The following WDR70 variants were observed in gnomAD, a reference collection of about 807,000 sequenced individuals.
WDR70 encodes the protein WD repeat-containing protein 70.
Under a neutral mutation model 88.6 loss-of-function variants are expected in WDR70, and 53 were observed. The ratio of observed to expected loss-of-function variants is 0.60; its 90% CI spans 0.48 to 0.75. The LOEUF is 0.75. Among genes scored for constraint, WDR70 ranks in the 30% least tolerant of loss-of-function variants. The probability of loss-of-function intolerance (pLI) is 0.00; values close to 1 mark genes in which losing one functional copy is unlikely to be tolerated. For missense variants in WDR70, 610 were observed against 823.2 expected, an observed-to-expected ratio of 0.74 and a Z score of 3.17; for synonymous variants, 280 against 270.0, an observed-to-expected ratio of 1.04 and a Z score of -0.36.
chr5:37,646,703 G>C (rs1026532588), intron 10 of WDR70, among the ~76,000 whole-genome samples: 2 of 152,078 alleles, frequency 1.3e-5, no homozygotes, highest in Non-Finnish European at 2.9e-5. Flanking sequence ...CTGGCCTGTA[G>C]AGTTTCCACT....
chr5:37,443,377 G>A lies in WDR70; in HGVS notation c.686+5G>A, dbSNP rs1175925922. 1 of 1,613,308 alleles carries A rather than the reference G, an allele frequency of 6.2e-7. No individual in the cohort carries two copies. The highest frequency in any genetic ancestry group is 8.5e-7 in the Non-Finnish European group (1 of 1,179,708). ...ATCCCTTCAGCCCTGTGAGTGGTAT[G>A]TATTCACTTACTTAATATCTTCATA... On this transcript the variant is annotated splice_donor_5th_base_variant and intron_variant, in intron 7 of 17. Transcript: ENST00000265107.
intron 15 of WDR70, chr5:37,724,100 G>A (rs998814277): frequency 6.6e-6 from 1 of 152,032 alleles, no homozygotes; most frequent in Non-Finnish European, 1.5e-5. Flanking sequence ...TCTTTTAAAG[G>A]GGGTTTAATC....
At chr5:37,524,517 T>G (rs1741198378) in intron 9 of WDR70, among the ~76,000 whole-genome samples, 1 of 152,126 alleles carries the variant, frequency 6.6e-6, no homozygotes, top group Admixed American at 6.5e-5. Context: ...TACCAGCCAC[T>G]GCAAAAAAAA....
At chr5:37,434,275 C>G (rs183336946) in intron 5 of WDR70, among the ~76,000 whole-genome samples, 43 of 152,292 alleles carry the variant, frequency 2.8e-4, no homozygotes, top group African/African-American at 1.0e-3. Flanking sequence ...TTACCTCCAC[C>G]TGGTCCTGGG....
At chr5:37,431,261 A>G (rs779465072) in intron 5 of WDR70, among the ~76,000 whole-genome samples, 1 of 152,222 alleles carries the variant, frequency 6.6e-6, no homozygotes. Context: ...GTCAGTACTC[A>G]ATAAATATTT....
chr5:37,543,636 G>A (rs527754953), intron 9 of WDR70, among the ~76,000 whole-genome samples: 26 of 152,168 alleles, frequency 1.7e-4, no homozygotes, highest in African/African-American at 6.0e-4. Context: ...AAAATAAAAT[G>A]TTTGGAGCAT....
intron 5 of WDR70, among the ~76,000 whole-genome samples, chr5:37,423,708 C>G (rs1232526905): frequency 6.7e-6 from 1 of 150,298 alleles, no homozygotes; most frequent in Non-Finnish European, 1.5e-5. Context: ...GGATTACAGG[C>G]AGCCGCCACC....
chr5:37,655,694 A>T (rs1745532981), intron 10 of WDR70, among the ~76,000 whole-genome samples: 1 of 151,462 alleles, frequency 6.6e-6, no homozygotes, highest in Non-Finnish European at 1.5e-5. Flanking sequence ...GTTGATTTTC[A>T]ATCTCTGATA....
intron 10 of WDR70, among the ~76,000 whole-genome samples, chr5:37,696,955 TTG>T (rs1747001883): frequency 6.6e-6 from 1 of 152,210 alleles, no homozygotes; most frequent in African/African-American, 2.4e-5. Flanking sequence ...AATAGTCTTT[TTG>T]GTTTCAAACC....
intron 17 of WDR70, among the ~76,000 whole-genome samples, chr5:37,734,807 A>G (rs1413892561): frequency 1.3e-5 from 2 of 152,142 alleles, no homozygotes; most frequent in African/African-American, 4.8e-5. Flanking sequence ...CATCTCTATG[A>G]AAGTGATCAT....
chr5:37,539,701 C>T (rs1332167791), intron 9 of WDR70, among the ~76,000 whole-genome samples: 1 of 152,154 alleles, frequency 6.6e-6, no homozygotes, highest in Non-Finnish European at 1.5e-5. Flanking sequence ...GTTCAGGGTC[C>T]CTTGTTGTTT....
At chr5:37,435,917 C>A (rs1750451960) in intron 5 of WDR70, among the ~76,000 whole-genome samples, 1 of 151,130 alleles carries the variant, frequency 6.6e-6, no homozygotes, top group African/African-American at 2.4e-5. Context: ...CATAGGGGAT[C>A]CAGAGATGAT....
intron 5 of WDR70, among the ~76,000 whole-genome samples, chr5:37,417,415 G>T (rs923093195): frequency 6.6e-6 from 1 of 151,990 alleles, no homozygotes; most frequent in Non-Finnish European, 1.5e-5. Context: ...TCTAGAGATG[G>T]AGTTTCCTCA....
intron 17 of WDR70, among the ~76,000 whole-genome samples, chr5:37,728,354 A>G (rs1748048106): frequency 1.4e-5 from 1 of 69,066 alleles, no homozygotes; most frequent in Non-Finnish European, 3.0e-5. Context: ...CCTCCAAAAA[A>G]AAAAAAAAAC....
rs374552898 is a variant in WDR70, at chr5:37,498,936, A to G, written c.841-17578A>G. Among the ~76,000 whole-genome samples the G allele has an allele frequency of 1.5e-3, 222 of 152,268 alleles. 3 individuals carry two copies. The highest frequency in any genetic ancestry group is 5.2e-3 in the African/African-American group (214 of 41,548). ...AACTGTCTTCCAAAGTGGCTAGACC[A>G]TTTTACATTCCCACCAGAAATGAAT... On this transcript the variant is annotated intron_variant, in intron 8 of 17. Transcript: ENST00000265107.
chr5:37,537,151 G>A (rs993619952), intron 9 of WDR70, among the ~76,000 whole-genome samples: 2 of 152,162 alleles, frequency 1.3e-5, no homozygotes, highest in Non-Finnish European at 2.9e-5. Flanking sequence ...GAAAAGGTAT[G>A]TTTAATAAAT....
At chr5:37,531,581 G>GTT (rs1554147558) in intron 9 of WDR70, among the ~76,000 whole-genome samples, 2 of 108,820 alleles carry the variant, frequency 1.8e-5, no homozygotes, top group Non-Finnish European at 3.8e-5. Flanking sequence ...TTGCTTTAAA[G>GTT]TTTTTCTTTT....
chr5:37,661,364 T>C (rs2112576653), intron 10 of WDR70, among the ~76,000 whole-genome samples: 1 of 152,318 alleles, frequency 6.6e-6, no homozygotes, highest in Non-Finnish European at 1.5e-5. Flanking sequence ...CCTGACCCTA[T>C]GTCAGTGGCA....
intron 5 of WDR70, among the ~76,000 whole-genome samples, chr5:37,411,188 C>G (rs1749510295): frequency 6.6e-6 from 1 of 152,296 alleles, no homozygotes; most frequent in South Asian, 2.1e-4. Flanking sequence ...CTCAAAACTC[C>G]TGGCCTCAAG....
Sources: gnomAD v4.1 joint callset for allele counts (sites outside exome capture counted in the v4.1 genomes callset) on GRCh38, gnomAD v4.1.1 for gene constraint, MANE v1.5 for transcripts, NCBI Gene and HGNC (gene_info 2026-07-23, HGNC 2026-07-21) for gene names.